The following UVSSA variants were observed in gnomAD, a reference collection of about 807,000 sequenced individuals.
UVSSA encodes UV stimulated scaffold protein A, also known as UV-stimulated scaffold protein A.
Under a neutral mutation model 73.9 loss-of-function variants are expected in UVSSA, and 72 were observed. The ratio of observed to expected loss-of-function variants is 0.97; its 90% CI spans 0.81 to 1.19. The LOEUF (loss-of-function observed/expected upper bound fraction) is 1.19. UVSSA is among the 50% of genes most tolerant of loss of function. The probability of loss-of-function intolerance (pLI) is 0.00; values close to 1 mark genes in which losing one functional copy is unlikely to be tolerated. For missense variants in UVSSA, 1,150 were observed against 965.0 expected (o/e 1.19, Z -2.54); for synonymous variants, 454 against 391.3 (o/e 1.16, Z -1.89).
At chr4:1,394,079 G>T in exon 14 of UVSSA, 1 of 295,410 alleles carries the variant, frequency 3.4e-6, no homozygotes, top group South Asian at 3.6e-5. Flanking sequence ...GCTGCCAACT[G>T]TGCCTTTGCC....
rs1297541661 is a variant in UVSSA, at chr4:1,351,890, C to T, written c.550+55C>T. On this transcript the variant is annotated intron_variant, in intron 4 of 13. Coordinates refer to ENST00000389851, the MANE Select transcript of UVSSA (RefSeq NM_020894.4). The stretch of plus-strand genomic sequence containing the variant: ...ACGCCTCTGAGGGTTGCCCGTGGTC[C>T]AGCAGTTCATCCTCCTGGTCCCAGG... 6 of 1,597,390 alleles carry T rather than the reference C, an allele frequency of 3.8e-6. No homozygotes were observed. The South Asian group carries it at 4.4e-5, about 12-fold the overall frequency.
chr4:1,369,950 A>G (rs935226886), intron 8 of UVSSA, among the ~76,000 whole-genome samples: 7 of 152,112 alleles, frequency 4.6e-5, no homozygotes, highest in African/African-American at 1.7e-4. Flanking sequence ...GGGAGTCGTT[A>G]TTCTTCCTGA....
At chr4:1,351,330 CT>C (rs1160634898) in intron 3 of UVSSA, among the ~76,000 whole-genome samples, 1 of 151,534 alleles carries the variant, frequency 6.6e-6, no homozygotes, top group Non-Finnish European at 1.5e-5. Flanking sequence ...TCCCAAAGTG[CT>C]GGGGTGACAG....
chr4:1,354,258 C>T (rs565811394), intron 5 of UVSSA, among the ~76,000 whole-genome samples: 14 of 152,098 alleles, frequency 9.2e-5, no homozygotes, highest in South Asian at 2.1e-4. Context: ...TGCCCTGCGC[C>T]GGACACTGAG....
chr4:1,380,119 G>A lies in UVSSA; in HGVS notation c.1641G>A (p.Glu547=). 1 of 1,613,012 alleles carries A rather than the reference G, an allele frequency of 6.2e-7. No homozygotes were observed. The highest frequency in any genetic ancestry group is 8.5e-7 in the Non-Finnish European group (1 of 1,179,952). ...AAGTGGTCAATGCCGACATCTCCGA[G>A]ATGCTCCGGAGCCGCCACATCACTT... is the stretch of plus-strand genomic sequence containing the variant. ...EEEVVNADIS[E]MLRSRHITFA... Residue 547 remains glutamate, a synonymous_variant, in exon 11 of 14, where the codon GAG becomes GAA. Coordinates refer to ENST00000389851, the MANE Select transcript of UVSSA (RefSeq NM_020894.4).
intron 11 of UVSSA, 55 bp downstream of exon 11, chr4:1,380,285 C>G: frequency 6.4e-7 from 1 of 1,562,680 alleles, no homozygotes; most frequent in Admixed American, 1.8e-5. Context: ...GGTGGGGCAG[C>G]CAGAGGGGTG....
At chr4:1,351,059 C>G (rs1236777424) in intron 3 of UVSSA, among the ~76,000 whole-genome samples, 1 of 152,112 alleles carries the variant, frequency 6.6e-6, no homozygotes, top group Non-Finnish European at 1.5e-5. Flanking sequence ...GCACACGCCA[C>G]CACACCTGGC....
chr4:1,365,299 C>T (rs992577365), intron 7 of UVSSA, among the ~76,000 whole-genome samples: 7 of 152,230 alleles, frequency 4.6e-5, no homozygotes, highest in African/African-American at 1.7e-4. Context: ...GCAGGCCTGC[C>T]TGGGCTGGTC....
chr4:1,374,572 G>A (rs577425949), intron 8 of UVSSA, among the ~76,000 whole-genome samples: 1 of 152,248 alleles, frequency 6.6e-6, no homozygotes, highest in African/African-American at 2.4e-5. Context: ...CATCTCTGTG[G>A]GACGTTGGTG....
chr4:1,353,708 A>G (rs1273310457), intron 5 of UVSSA, among the ~76,000 whole-genome samples: 2 of 152,142 alleles, frequency 1.3e-5, no homozygotes, highest in Non-Finnish European at 2.9e-5. Flanking sequence ...TGGGGTCGTG[A>G]GGCTGTTGCG....
intron 7 of UVSSA, among the ~76,000 whole-genome samples, chr4:1,364,995 C>G (rs1326147625): frequency 6.6e-6 from 1 of 152,176 alleles, no homozygotes; most frequent in African/African-American, 2.4e-5. Context: ...CACACCCTGT[C>G]CTGGGCCGTG....
chr4:1,372,699 G>GCGTCCCTGCACT (rs1308234803), intron 8 of UVSSA, among the ~76,000 whole-genome samples: 1 of 96,876 alleles, frequency 1.0e-5, no homozygotes, highest in African/African-American at 6.4e-5. Flanking sequence ...CTCACGTCCC[G>GCGTCCCTGCACT]CATCTCAGAG....
chr4:1,354,802 G>C lies in UVSSA; in HGVS notation c.1002G>C (p.Lys334Asn). 6.2e-7 allele frequency: 1 copy of C among 1,613,194 alleles called. No homozygotes were observed. The highest frequency in any genetic ancestry group is 8.5e-7 in the Non-Finnish European group (1 of 1,179,798). ...TCCACGCCGCCCGCGACACACTCAA[G>C]CTCATCCGGAACAAGTTCCTGCCGG... ...ALIHAARDTL[K>N]LIRNKFLPAV... The change falls in exon 6 of 14, where the codon AAG (lysine) becomes AAC (asparagine). Residue 334 changes from lysine to asparagine, a missense_variant. Coordinates refer to ENST00000389851, the MANE Select transcript of UVSSA (RefSeq NM_020894.4).
intron 10 of UVSSA, among the ~76,000 whole-genome samples, chr4:1,376,481 G>T (rs902255192): frequency 1.1e-4 from 16 of 152,208 alleles, no homozygotes; most frequent in African/African-American, 3.9e-4. Flanking sequence ...CCTGGGGCCC[G>T]TTCAGTTTGT....
At chr4:1,343,519 A>T (rs897574825), upstream of UVSSA, among the ~76,000 whole-genome samples, 1 of 152,122 alleles carries the variant, frequency 6.6e-6, no homozygotes, top group Non-Finnish European at 1.5e-5. Context: ...CTTCCTGCAG[A>T]TTTAGATCCT....
At chr4:1,367,730 G>C (rs1717516046) in intron 8 of UVSSA, among the ~76,000 whole-genome samples, 1 of 152,070 alleles carries the variant, frequency 6.6e-6, no homozygotes, top group Admixed American at 6.5e-5. Context: ...TTCTCCAGGG[G>C]CAGGCAGGCA....
chr4:1,381,686 CTTTTTTTT>C (rs1318393473), intron 12 of UVSSA, among the ~76,000 whole-genome samples: 1 of 131,764 alleles, frequency 7.6e-6, no homozygotes, highest in Non-Finnish European at 1.6e-5. Context: ...TTTGATTTGG[CTTTTTTTT>C]TTTTTTTTTT....
chr4:1,370,319 G>A (rs972043897), intron 8 of UVSSA, among the ~76,000 whole-genome samples: 15 of 152,174 alleles, frequency 9.9e-5, no homozygotes, highest in African/African-American at 2.7e-4. Context: ...GTGTATTGCC[G>A]GAATACTGAG....
chr4:1,383,983 C>T (rs552781225), intron 13 of UVSSA, 43 bp downstream of exon 13: 199 of 1,566,768 alleles, frequency 1.3e-4, no homozygotes, highest in Middle Eastern at 8.0e-4. Context: ...GTGGCCCCCC[C>T]GTGTGAGGGT....
Sources: allele counts gnomAD v4.1 joint callset (sites outside exome capture counted in the v4.1 genomes callset), GRCh38; gene constraint gnomAD v4.1.1; transcripts MANE v1.5; gene names NCBI Gene and HGNC (gene_info 2026-07-23, HGNC 2026-07-21).